Variants in CACNA1D observed in about 807,000 individuals in gnomAD.
The protein encoded by CACNA1D is voltage-dependent L-type calcium channel subunit alpha-1D.
A neutral mutation model predicts 257.1 loss-of-function variants in CACNA1D; 55 were observed. The ratio of observed to expected loss-of-function variants is 0.21; its 90% CI spans 0.17 to 0.27. The LOEUF (loss-of-function observed/expected upper bound fraction) is 0.27. Ranked by LOEUF, CACNA1D falls within the 10% of genes least tolerant of loss-of-function variation. The probability of loss-of-function intolerance (pLI) is 1.00; values close to 1 mark genes in which losing one functional copy is unlikely to be tolerated. For missense variants in CACNA1D, 1,876 were observed against 2,784.0 expected (o/e 0.67, Z 7.34); for synonymous variants, 980 against 1,014.9 (o/e 0.97, Z 0.65).
At chr3:53,531,677 A>G (rs1245556316) in intron 3 of CACNA1D, among the ~76,000 whole-genome samples, 1 of 151,460 alleles carries the variant, frequency 6.6e-6, no homozygotes, top group South Asian at 2.1e-4. Context: ...CATCACACCC[A>G]CTCTGTTTGA....
At chr3:53,643,475 G>A (rs891592740) in intron 3 of CACNA1D, among the ~76,000 whole-genome samples, 9 of 152,134 alleles carry the variant, frequency 5.9e-5, no homozygotes, top group Middle Eastern at 6.8e-3. Flanking sequence ...GCCTGAATGT[G>A]CACGATGGCC....
At chr3:53,627,860 A>T (rs1430170439) in intron 3 of CACNA1D, among the ~76,000 whole-genome samples, 1 of 151,960 alleles carries the variant, frequency 6.6e-6, no homozygotes, top group East Asian at 1.9e-4. Context: ...TAAAAATACA[A>T]AAATTAGCCC....
intron 3 of CACNA1D, among the ~76,000 whole-genome samples, chr3:53,586,010 T>C (rs890967454): frequency 3.3e-5 from 5 of 152,004 alleles, no homozygotes; most frequent in African/African-American, 1.2e-4. Context: ...GCTCTCTTAT[T>C]TGATTTAAGT....
rs117035150 is a variant in CACNA1D at position 53,592,324 on chromosome 3, C to T, written c.484-58455C>T. Among the ~76,000 whole-genome samples, 1,058 of 152,182 alleles carry T rather than the reference C, an allele frequency of 7.0e-3. 30 individuals carry two copies. The East Asian group carries it at 0.094, about 13-fold the overall frequency. ...ATAGCCAGGGCAGAGGGGATGGGCA[C>T]CCAGCCTGGCTGAGAGTGTGTGTGT... On this transcript the variant is annotated intron_variant, in intron 3 of 47. Transcript: ENST00000350061.
intron 3 of CACNA1D, among the ~76,000 whole-genome samples, chr3:53,578,347 A>T (rs1466693337): frequency 6.6e-6 from 1 of 151,876 alleles, no homozygotes; most frequent in African/African-American, 2.4e-5. Flanking sequence ...GGGTGGAAGG[A>T]GGAGTGGCCC....
intron 46 of CACNA1D, chr3:53,809,470 C>G (rs2095584838): frequency 9.5e-6 from 2 of 210,816 alleles, no homozygotes; most frequent in Non-Finnish European, 1.9e-5. Flanking sequence ...GTGTGAACCC[C>G]AAGGTGCATC....
At chr3:53,790,102 C>T (rs1308276241) in intron 40 of CACNA1D, among the ~76,000 whole-genome samples, 1 of 152,178 alleles carries the variant, frequency 6.6e-6, no homozygotes, top group Non-Finnish European at 1.5e-5. Flanking sequence ...TTTTTAATTT[C>T]CTCTTGCGCA....
At chr3:53,645,993 G>A (rs1486332221) in intron 3 of CACNA1D, among the ~76,000 whole-genome samples, 3 of 152,354 alleles carry the variant, frequency 2.0e-5, no homozygotes, top group South Asian at 2.1e-4. Context: ...ATTCAACCCC[G>A]CTGGGTGCGT....
chr3:53,800,625 G>A lies in CACNA1D; in HGVS notation c.5040+260G>A, dbSNP rs1234732381. The A allele has an allele frequency of 2.0e-5, 11 of 538,352 alleles. No individual in the cohort carries two copies. Among genetic ancestry groups the A allele is most frequent in the South Asian group, 7.8e-5 (4 of 51,586 alleles). The allele number at this position is 538,352 out of a possible 1,614,324, so 33.3% of individuals were successfully genotyped here. A position where few individuals can be genotyped will look rare whatever the true frequency, so the allele number is the denominator to read the frequency against. On this transcript the variant is annotated intron_variant, in intron 41 of 47. Coordinates refer to ENST00000350061, the MANE Select transcript of CACNA1D (RefSeq NM_001128840.3). The surrounding 1 kb of genome is among the most constrained non-coding windows in gnomAD (Gnocchi z 4.3). Reference sequence around the variant, plus strand: ...GCTTCTGAGGAGCTCGGCCACAGCCGCTGGCCCTGTGGATGAGCATCCTGA... The same window carrying A: ...GCTTCTGAGGAGCTCGGCCACAGCCACTGGCCCTGTGGATGAGCATCCTGA...
chr3:53,790,855 T>C, intron 40 of CACNA1D: 1 of 646,246 alleles, frequency 1.5e-6, no homozygotes, highest in Non-Finnish European at 2.8e-6. Context: ...TGTTTTGTTA[T>C]TTTTTTAAAG....
chr3:53,641,947 TAG>T (rs2093957435), intron 3 of CACNA1D, among the ~76,000 whole-genome samples: 1 of 152,196 alleles, frequency 6.6e-6, no homozygotes, highest in South Asian at 2.1e-4. Flanking sequence ...CTCAACATTT[TAG>T]AGACATGGAG....
At chr3:53,796,040 AAAT>A (rs1266243335) in intron 40 of CACNA1D, 1 of 204,944 alleles carries the variant, frequency 4.9e-6, no homozygotes, top group African/African-American at 2.3e-5. Flanking sequence ...AGTGGTGACA[AAAT>A]AAGGGGTGTG....
At chr3:53,718,218 G>T (rs2094841102) in intron 9 of CACNA1D, 83 bp from the exon 10 acceptor site, 1 of 1,183,108 alleles carries the variant, frequency 8.5e-7, no homozygotes, top group Non-Finnish European at 1.3e-6. Context: ...AGGTCTGCCT[G>T]GTGGCAGAGG....
rs1388714629 is a variant in CACNA1D, at chr3:53,776,894, C to T, written c.4525C>T (p.Leu1509Phe). 6 of 1,614,054 alleles carry T rather than the reference C, an allele frequency of 3.7e-6. No homozygotes were observed. The highest frequency in any genetic ancestry group is 4.2e-6 in the Non-Finnish European group (5 of 1,180,006). The change falls in exon 37 of 48, where the codon CTT (leucine) becomes TTT (phenylalanine). Residue 1509 changes from leucine to phenylalanine, a missense_variant. Leu to Phe is a conservative substitution (Grantham distance 22). Transcript: ENST00000350061. ...RIKHLDVVTL[L>F]RRIQPPLGFG... is the part of the protein sequence containing the mutation. ...AAAACACCTTGATGTGGTCACTCTGCTTCGACGCATCCAGCCTCCCCTGGG... is the reference window on the plus strand; with the variant it reads ...AAAACACCTTGATGTGGTCACTCTGTTTCGACGCATCCAGCCTCCCCTGGG...
At chr3:53,805,225 G>T (rs772628606) in intron 45 of CACNA1D, 79 bp downstream of exon 45, 2 of 1,341,608 alleles carry the variant, frequency 1.5e-6, no homozygotes, top group East Asian at 2.3e-5. Context: ...TCTGGGGGCC[G>T]GTGATGGATG....
chr3:53,763,171 G>T lies in CACNA1D; in HGVS notation c.3870+1090G>T, dbSNP rs2095313514. Among the ~76,000 whole-genome samples, 3 of 152,224 alleles carry T rather than the reference G, an allele frequency of 2.0e-5. No homozygotes were observed. In the South Asian group the frequency reaches 6.2e-4, roughly 32 times the overall value. On this transcript the variant is annotated intron_variant, in intron 30 of 47. Transcript: ENST00000350061. Reference sequence around the variant, plus strand: ...ACTGGTGAACGTCCCACACCCAAAGGGTGATGCCAGCCAGTGGAAGGCTGC... The same window carrying T: ...ACTGGTGAACGTCCCACACCCAAAGTGTGATGCCAGCCAGTGGAAGGCTGC...
At chr3:53,643,395 G>C (rs567531358) in intron 3 of CACNA1D, among the ~76,000 whole-genome samples, 4 of 152,104 alleles carry the variant, frequency 2.6e-5, no homozygotes, top group Non-Finnish European at 5.9e-5. Context: ...GTGTGATAGC[G>C]CTGCGGCTCC....
rs77513833 is a variant in CACNA1D, at chr3:53,618,613, T to C, written c.484-32166T>C. Among the ~76,000 whole-genome samples the C allele has an allele frequency of 9.9e-3, 1,508 of 152,292 alleles. 27 individuals are homozygous for C. Among genetic ancestry groups the C allele is most frequent in the African/African-American group, 0.035 (1,444 of 41,560 alleles). The stretch of plus-strand genomic sequence containing the variant: ...CGCTTCTGGTTTTCCATGTGGACCA[T>C]TTATTGCACCTGCCCCTCCTCTAGG... On this transcript the variant is annotated intron_variant, in intron 3 of 47. Transcript: ENST00000350061.
rs59630779 is a variant in CACNA1D, at chr3:53,813,129, A to ATTTTTTTTTTTTTTTTTTTTTTTTTTT, written c.*1746_*1747insTTTTTTTTTTTTTTTTTTTTTTTTTTT. 8.5e-6 allele frequency: 1 copy of ATTTTTTTTTTTTTTTTTTTTTTTTTTT among 118,122 alleles called. No homozygotes were observed. The allele number at this position is 118,122 out of a possible 1,614,324, so 7.3% of individuals were successfully genotyped here. On this transcript the variant is annotated 3_prime_UTR_variant, in exon 48 of 48. Transcript: ENST00000350061. Reference sequence around the variant, plus strand: ...TTAATAGTATACAGACAACCTGTTAATTTTTTTTTTTTTTTTTTTTTTTGT... The same window carrying ATTTTTTTTTTTTTTTTTTTTTTTTTTT: ...TTAATAGTATACAGACAACCTGTTAATTTTTTTTTTTTTTTTTTTTTTTTTTTTTTTTTTTTTTTTTTTTTTTTTTGT...
Sources: gnomAD v4.1 joint callset for allele counts (sites outside exome capture counted in the v4.1 genomes callset) on GRCh38, gnomAD v4.1.1 for gene constraint, Gnocchi (gnomAD v3.1) non-coding constraint, MANE v1.5 for transcripts, NCBI Gene and HGNC (gene_info 2026-07-23, HGNC 2026-07-21) for gene names.